The following CBX5 variants were observed in gnomAD, a reference collection of about 807,000 sequenced individuals.
CBX5 encodes chromobox protein homolog 5.
Under a neutral mutation model 20.7 loss-of-function variants are expected in CBX5, and 7 were observed. The observed-to-expected ratio is 0.34, with a 90% CI of 0.19 to 0.63. The LOEUF (loss-of-function observed/expected upper bound fraction) is 0.63. Ranked by LOEUF, CBX5 falls within the 30% of genes least tolerant of loss-of-function variation. CBX5 has a pLI of 0.75. For synonymous variants in CBX5, 78 were observed against 77.0 expected (o/e 1.01, Z -0.07); for missense variants, 110 against 224.1 (o/e 0.49, Z 3.25).
chr12:54,250,113 T>G (rs1443374672), intron 3 of CBX5, among the ~76,000 whole-genome samples: 2 of 151,954 alleles, frequency 1.3e-5, no homozygotes, highest in African/African-American at 4.8e-5. Flanking sequence ...TCCCAACTAC[T>G]CTGGAAGGCT....
intron 1 of CBX5, among the ~76,000 whole-genome samples, chr12:54,269,342 C>A (rs1259299837): frequency 1.3e-5 from 2 of 152,176 alleles, no homozygotes; most frequent in Admixed American, 1.3e-4. Flanking sequence ...ATTGGTATTT[C>A]TTCCTAAAAG....
intron 1 of CBX5, among the ~76,000 whole-genome samples, chr12:54,279,685 C>T (rs1241464769): frequency 3.3e-5 from 5 of 152,178 alleles, no homozygotes; most frequent in Non-Finnish European, 7.4e-5. Flanking sequence ...CGCGCGCTTC[C>T]TGCTCACTGG....
chr12:54,241,997 C>T, intron 4 of CBX5, 92 bp from the exon 5 acceptor site: 1 of 1,257,320 alleles, frequency 8.0e-7, no homozygotes, highest in Non-Finnish European at 1.1e-6. Flanking sequence ...ATTTAGTTGA[C>T]TTGATTTCCT....
intron 1 of CBX5, among the ~76,000 whole-genome samples, chr12:54,258,930 C>G (rs768590851): frequency 6.6e-6 from 1 of 152,132 alleles, no homozygotes; most frequent in African/African-American, 2.4e-5. Context: ...TATCAATTCA[C>G]TTCAAATTAG....
At chr12:54,270,001 T>C (rs1163111167) in intron 1 of CBX5, among the ~76,000 whole-genome samples, 1 of 152,238 alleles carries the variant, frequency 6.6e-6, no homozygotes, top group Non-Finnish European at 1.5e-5. Context: ...GTAGGATCAA[T>C]AGTGATATTC....
intron 4 of CBX5, 36 bp from the exon 5 acceptor site, chr12:54,241,941 A>G: frequency 6.3e-7 from 1 of 1,593,926 alleles, no homozygotes; most frequent in Non-Finnish European, 8.6e-7. Context: ...AAAGGAGAGG[A>G]AGAGTGAAAG....
rs1943879839 is a variant in CBX5 at position 54,258,052 on chromosome 12, C to T, written c.-42-360G>A. 3 of 158,944 alleles carry T rather than the reference C, an allele frequency of 1.9e-5. 1 individual carries two copies. Among genetic ancestry groups the T allele is most frequent in the Admixed American group, 6.4e-5 (1 of 15,576 alleles). The allele number at this position is 158,944 out of a possible 1,614,324, so 9.8% of individuals were successfully genotyped here. A position where few individuals can be genotyped will look rare whatever the true frequency, so the allele number is the denominator to read the frequency against. Reference sequence around the variant, plus strand: ...GTGCAAAATCTTTAGTTAAATGAACCAAGATAAAATTAAAACCTTTTTCTC... The same window carrying T: ...GTGCAAAATCTTTAGTTAAATGAACTAAGATAAAATTAAAACCTTTTTCTC... On this transcript the variant is annotated intron_variant, in intron 1 of 4. Transcript: ENST00000209875.
intron 2 of CBX5, among the ~76,000 whole-genome samples, chr12:54,255,042 C>T (rs1371305113): frequency 6.6e-6 from 1 of 152,174 alleles, no homozygotes; most frequent in East Asian, 1.9e-4. Flanking sequence ...AAAAGCCAGT[C>T]CTATAATGCG....
intron 1 of CBX5, among the ~76,000 whole-genome samples, chr12:54,267,208 G>A (rs1253193064): frequency 6.6e-6 from 1 of 152,276 alleles, no homozygotes; most frequent in South Asian, 2.1e-4. Flanking sequence ...TGAGAAAAAT[G>A]GGTAACAGCA....
At position 54,241,654 on chromosome 12, in the gene CBX5, T is replaced by TA; in HGVS notation, c.*100dup. On this transcript the variant is annotated 3_prime_UTR_variant, in exon 5 of 5. Coordinates refer to ENST00000209875, the MANE Select transcript of CBX5 (RefSeq NM_012117.3). ...GGAGCACAGTGATAAGCACATTTTT[T>TA]ATGGATGTGTTTAGGATAGAAAGGG... is the stretch of plus-strand genomic sequence containing the variant. The TA allele has an allele frequency of 1.8e-6, 2 of 1,120,404 alleles. No individual in the cohort carries two copies. Among genetic ancestry groups the TA allele is most frequent in the Non-Finnish European group, 1.3e-6 (1 of 780,814 alleles). The allele number at this position is 1,120,404 out of a possible 1,614,324, so 69.4% of individuals were successfully genotyped here. A position where few individuals can be genotyped will look rare whatever the true frequency, so the allele number is the denominator to read the frequency against.
At chr12:54,247,363 A>T (rs1810531799) in intron 3 of CBX5, among the ~76,000 whole-genome samples, 1 of 152,190 alleles carries the variant, frequency 6.6e-6, no homozygotes, top group Non-Finnish European at 1.5e-5. Flanking sequence ...CAACATGGGC[A>T]ACTGTCTCTG....
intron 2 of CBX5, among the ~76,000 whole-genome samples, chr12:54,257,269 GCAATCT>G (rs1196889479): frequency 1.8e-4 from 28 of 152,168 alleles, no homozygotes; most frequent in Non-Finnish European, 3.2e-4. Flanking sequence ...CTAGACCCAA[GCAATCT>G]GACTCTCGAG....
intron 2 of CBX5, among the ~76,000 whole-genome samples, chr12:54,253,055 G>A (rs943444672): frequency 4.0e-5 from 6 of 151,536 alleles, no homozygotes; most frequent in African/African-American, 1.5e-4. Flanking sequence ...AACTACAAAT[G>A]GGAATCAAGA....
rs1943678253 is a variant in CBX5, at chr12:54,241,678, G to A, written c.*77C>T. The A allele has an allele frequency of 3.6e-6, 5 of 1,371,758 alleles. No homozygotes were observed. In the Admixed American group the frequency reaches 1.1e-4, roughly 31 times the overall value. The allele number at this position is 1,371,758 out of a possible 1,614,324, so 85.0% of individuals were successfully genotyped here. On this transcript the variant is annotated 3_prime_UTR_variant, in exon 5 of 5. Coordinates refer to ENST00000209875, the MANE Select transcript of CBX5 (RefSeq NM_012117.3). ...TTATGGATGTGTTTAGGATAGAAAGGGGTGGGTAGAAAGGAGAGGAGGCAG... is the reference window on the plus strand; with the variant it reads ...TTATGGATGTGTTTAGGATAGAAAGAGGTGGGTAGAAAGGAGAGGAGGCAG...
chr12:54,249,054 G>C (rs1041884305), intron 3 of CBX5, among the ~76,000 whole-genome samples: 1 of 152,176 alleles, frequency 6.6e-6, no homozygotes, highest in Admixed American at 6.5e-5. Flanking sequence ...CTCCAAGCCA[G>C]ATTATTCAGA....
At chr12:54,259,424 G>C (rs1489060456) in intron 1 of CBX5, 1 of 152,476 alleles carries the variant, frequency 6.6e-6, no homozygotes, top group Non-Finnish European at 1.5e-5. Flanking sequence ...TTGAGGGAGA[G>C]ACAAGGAAAA....
At chr12:54,267,482 C>T (rs926850998) in intron 1 of CBX5, among the ~76,000 whole-genome samples, 10 of 151,750 alleles carry the variant, frequency 6.6e-5, no homozygotes, top group Non-Finnish European at 2.9e-5. Flanking sequence ...TCCATTTTAA[C>T]GAAGAGCCTG....
Position 54,237,534 on chromosome 12 carries a change from AC to A in CBX5, c.*4220del, listed in dbSNP as rs1197010066. On this transcript the variant is annotated 3_prime_UTR_variant, in exon 5 of 5. Coordinates refer to ENST00000209875, the MANE Select transcript of CBX5 (RefSeq NM_012117.3). ...AATGAATAAGACTTCGATTTTTGAT[AC>A]CAACAATGTCCCCAAACCAAACTTA... is the stretch of plus-strand genomic sequence containing the variant. 1 of 152,782 alleles carries A rather than the reference AC, an allele frequency of 6.5e-6. No homozygotes were observed. Among genetic ancestry groups the A allele is most frequent in the African/African-American group, 2.4e-5 (1 of 41,448 alleles). The allele number at this position is 152,782 out of a possible 1,614,324, so 9.5% of individuals were successfully genotyped here. A position where few individuals can be genotyped will look rare whatever the true frequency, so the allele number is the denominator to read the frequency against.
intron 1 of CBX5, 66 bp from the exon 2 acceptor site, chr12:54,257,758 A>C: frequency 8.0e-7 from 1 of 1,255,372 alleles, no homozygotes; most frequent in Non-Finnish European, 1.1e-6. Flanking sequence ...TCTTTTCTTG[A>C]TGGGATGAAA....
Sources: allele counts gnomAD v4.1 joint callset (sites outside exome capture counted in the v4.1 genomes callset), GRCh38; gene constraint gnomAD v4.1.1; transcripts MANE v1.5; gene names NCBI Gene and HGNC (gene_info 2026-07-23, HGNC 2026-07-21).